Variants in RDX observed in about 807,000 individuals in gnomAD.
The protein encoded by RDX is deafness, autosomal recessive 24.
RDX carries 32 observed loss-of-function variants against 83.7 expected under a neutral mutation model. That is an observed-to-expected ratio of 0.38 (90% CI 0.29 to 0.51). The LOEUF (loss-of-function observed/expected upper bound fraction) is 0.51. Ranked by LOEUF, RDX falls within the 20% of genes least tolerant of loss-of-function variation. The pLI is 0.87. For missense variants in RDX, 600 were observed against 689.9 expected, an observed-to-expected ratio of 0.87 and a Z score of 1.46; for synonymous variants, 229 against 222.7, an observed-to-expected ratio of 1.03 and a Z score of -0.25.
intron 3 of RDX, among the ~76,000 whole-genome samples, chr11:110,269,459 G>A (rs1397636583): frequency 2.0e-5 from 3 of 152,138 alleles, no homozygotes; most frequent in African/African-American, 4.8e-5. Flanking sequence ...ACACAGAGCA[G>A]CTGGCCTCGA....
chr11:110,268,372 C>T (rs999580307), intron 3 of RDX, among the ~76,000 whole-genome samples: 4 of 150,990 alleles, frequency 2.6e-5, no homozygotes, highest in African/African-American at 9.7e-5. Context: ...TATAAAGTCT[C>T]ATACTGATAA....
chr11:110,210,920 G>A (rs1300646860), intron 14 of RDX, among the ~76,000 whole-genome samples: 1 of 151,808 alleles, frequency 6.6e-6, no homozygotes, highest in Non-Finnish European at 1.5e-5. Context: ...ACACTAGGAA[G>A]AAACTGCATC....
At chr11:110,185,691 G>A (rs1398316241) in intron 15 of RDX, 1 of 152,238 alleles carries the variant, frequency 6.6e-6, no homozygotes, top group East Asian at 1.9e-4. Flanking sequence ...CCTTGATAAA[G>A]CTAGCACTAG....
intron 10 of RDX, among the ~76,000 whole-genome samples, chr11:110,244,916 G>A (rs1859035600): frequency 6.6e-6 from 1 of 151,672 alleles, no homozygotes; most frequent in African/African-American, 2.4e-5. Flanking sequence ...CGTAAAAATT[G>A]AGCCTCATAC....
chr11:110,293,583 G>T (rs991966351), intron 1 of RDX, among the ~76,000 whole-genome samples: 1 of 152,134 alleles, frequency 6.6e-6, no homozygotes, highest in East Asian at 1.9e-4. Context: ...TCTTCAGCTG[G>T]ATCAGTAATG....
At chr11:110,279,787 T>C (rs1860679195) in intron 1 of RDX, 31 bp from the exon 2 acceptor site, 2 of 742,444 alleles carry the variant, frequency 2.7e-6, no homozygotes, top group Non-Finnish European at 4.6e-6. Context: ...TAATCTATTA[T>C]CTTTTTATAT....
intron 3 of RDX, among the ~76,000 whole-genome samples, chr11:110,271,583 ACT>A (rs1475639850): frequency 6.6e-6 from 1 of 152,182 alleles, no homozygotes. Context: ...ATTTTAAAAT[ACT>A]GATAATTTAG....
intron 2 of RDX, among the ~76,000 whole-genome samples, chr11:110,273,255 T>G (rs188551799): frequency 2.0e-5 from 3 of 152,360 alleles, no homozygotes; most frequent in African/African-American, 7.2e-5. Context: ...GGTATTTAAA[T>G]TGAGGTCTAA....
intron 14 of RDX, among the ~76,000 whole-genome samples, chr11:110,205,404 C>A (rs1459557161): frequency 4.9e-5 from 1 of 20,434 alleles, no homozygotes; most frequent in Non-Finnish European, 9.2e-5. Flanking sequence ...AATTAAGCTA[C>A]AAGAAATTGT....
At chr11:110,238,793 G>A (rs1171162176) in intron 10 of RDX, among the ~76,000 whole-genome samples, 3 of 151,898 alleles carry the variant, frequency 2.0e-5, no homozygotes, top group Admixed American at 6.6e-5. Context: ...GCATGGTGAT[G>A]GGCGCCTGTA....
At position 110,192,170 on chromosome 11, in the gene RDX, T is replaced by C. The variant is rs183941585; in HGVS notation, c.*31+7411A>G. ...GGCTGCCATAACCAAAACAGCATGA[T>C]ATGAGCATAGAAACAGACACACAGA... On this transcript the variant is annotated intron_variant, in intron 15 of 15. Transcript: ENST00000528498. 2.1e-4 allele frequency among the ~76,000 whole-genome samples: 32 copies of C among 152,288 alleles called. No individual in the cohort carries two copies. In the East Asian group the frequency reaches 5.4e-3, roughly 26 times the overall value.
At chr11:110,224,980 T>A (rs767764098), downstream of RDX, among the ~76,000 whole-genome samples, 7 of 152,218 alleles carry the variant, frequency 4.6e-5, no homozygotes, top group South Asian at 2.1e-4. Context: ...TGTCCTCAAA[T>A]CAAATTAAAA....
At chr11:110,232,846 C>T (rs912484341) in intron 13 of RDX, among the ~76,000 whole-genome samples, 8 of 152,176 alleles carry the variant, frequency 5.3e-5, no homozygotes, top group African/African-American at 1.9e-4. Flanking sequence ...AACTCCTGGC[C>T]TCAGGCAGTC....
rs565050617 is a variant in RDX, at chr11:110,237,986, C to CA, written c.1091-335dup. 83 of 250,556 alleles carry CA rather than the reference C, an allele frequency of 3.3e-4. 1 individual carries two copies. In the South Asian group the frequency reaches 3.6e-3, roughly 11 times the overall value. The allele number at this position is 250,556 out of a possible 1,614,324, so 15.5% of individuals were successfully genotyped here. ...AGAGAAATGAAAATCTTCTGCAATT[C>CA]AAGTTATGTAAAAAGGCTACAAGCA... is the stretch of plus-strand genomic sequence containing the variant. On this transcript the variant is annotated intron_variant, in intron 10 of 13. Transcript: ENST00000645495.
chr11:110,246,626 T>C (rs1170071355), intron 10 of RDX, among the ~76,000 whole-genome samples: 1 of 151,708 alleles, frequency 6.6e-6, no homozygotes, highest in East Asian at 1.9e-4. Flanking sequence ...AATACAAAAA[T>C]TAGCTGGGCC....
intron 10 of RDX, among the ~76,000 whole-genome samples, chr11:110,244,363 C>CAAA (rs71053874): frequency 0.045 from 2,293 of 51,312 alleles, 268 homozygotes; most frequent in African/African-American, 0.059. Flanking sequence ...GATTCTGGCT[C>CAAA]AAAAAAAAAA....
intron 15 of RDX, chr11:110,180,048 G>A (rs931150943): frequency 3.1e-5 from 9 of 294,346 alleles, no homozygotes; most frequent in African/African-American, 2.0e-4. Context: ...ACTACAGACA[G>A]GCACCACCAC....
rs370760081 is a variant in RDX at position 110,295,642 on chromosome 11, G to GAAAAAAA, written c.-65+818_-65+824dup. Among the ~76,000 whole-genome samples, 162 of 122,228 alleles carry GAAAAAAA rather than the reference G, an allele frequency of 1.3e-3. 2 individuals carry two copies. Among genetic ancestry groups the GAAAAAAA allele is most frequent in the African/African-American group, 4.8e-3 (151 of 31,746 alleles). The allele number at this position is 122,228 out of a possible 152,430, so 80.2% of individuals were successfully genotyped here. The stretch of plus-strand genomic sequence containing the variant: ...GGAAGTGATGTAGTCTGTTTAAACT[G>GAAAAAAA]AAAAAAAAAAAAAAACAAAAATGCA... On this transcript the variant is annotated intron_variant, in intron 1 of 13. Coordinates refer to ENST00000645495, the MANE Select transcript of RDX (RefSeq NM_002906.4).
At chr11:110,273,061 A>C (rs1263868570) in intron 2 of RDX, 1 of 456,266 alleles carries the variant, frequency 2.2e-6, no homozygotes, top group South Asian at 1.5e-5. Context: ...ACTATGAAAA[A>C]TTTAAAAATT....
Sources: gnomAD v4.1 joint callset for allele counts (sites outside exome capture counted in the v4.1 genomes callset) on GRCh38, gnomAD v4.1.1 for gene constraint, MANE v1.5 for transcripts, NCBI Gene and HGNC (gene_info 2026-07-23, HGNC 2026-07-21) for gene names.